Variants in CAPS2 observed in about 807,000 individuals in gnomAD.
CAPS2 encodes calcyphosine 2, also known as calcyphosin-2.
A neutral mutation model predicts 86.5 loss-of-function variants in CAPS2; 98 were observed. That is an observed-to-expected ratio of 1.13 (90% CI 0.96 to 1.34). The LOEUF (loss-of-function observed/expected upper bound fraction) is 1.34, where lower values mean the gene tolerates loss of function less well. CAPS2 is among the 40% of genes most tolerant of loss of function. The pLI is 0.00. For synonymous variants in CAPS2, 210 were observed against 225.1 expected (o/e 0.93, Z 0.60); for missense variants, 729 against 686.8 (o/e 1.06, Z -0.69).
chr12:75,360,691 C>CT (rs2043519689), intron 1 of CAPS2: 1 of 152,228 alleles, frequency 6.6e-6, no homozygotes, highest in Non-Finnish European at 1.5e-5. Flanking sequence ...ATCTACCATT[C>CT]TGAGGTCTGG....
At chr12:75,349,088 G>T (rs2042640593) in intron 1 of CAPS2, among the ~76,000 whole-genome samples, 2 of 152,082 alleles carry the variant, frequency 1.3e-5, no homozygotes, top group Non-Finnish European at 2.9e-5. Context: ...GAGAACCCTA[G>T]AAATCTGCAA....
chr12:75,355,586 T>C (rs746913896), intron 1 of CAPS2, among the ~76,000 whole-genome samples: 2 of 152,176 alleles, frequency 1.3e-5, no homozygotes, highest in Admixed American at 6.5e-5. Flanking sequence ...CTCAAAGATC[T>C]AGAACCAGAA....
intron 8 of CAPS2, among the ~76,000 whole-genome samples, chr12:75,302,085 C>T (rs1047364042): frequency 6.6e-6 from 1 of 152,156 alleles, no homozygotes; most frequent in Non-Finnish European, 1.5e-5. Context: ...GCTGCTGCCT[C>T]CCAAACAAAG....
intron 1 of CAPS2, among the ~76,000 whole-genome samples, chr12:75,353,289 C>T (rs2042933495): frequency 6.6e-6 from 1 of 151,964 alleles, no homozygotes; most frequent in South Asian, 2.1e-4. Flanking sequence ...ATCAAATAGA[C>T]ACAATAAAAA....
At chr12:75,288,904 T>C (rs1278046192) in intron 14 of CAPS2, among the ~76,000 whole-genome samples, 1 of 151,820 alleles carries the variant, frequency 6.6e-6, no homozygotes, top group Non-Finnish European at 1.5e-5. Context: ...AAATGAGAAA[T>C]TGGTATAGAA....
chr12:75,285,628 C>T (rs979223290), intron 14 of CAPS2, among the ~76,000 whole-genome samples: 1 of 151,860 alleles, frequency 6.6e-6, no homozygotes, highest in Non-Finnish European at 1.5e-5. Context: ...TCTCCCCATG[C>T]TCTGGTAACA....
At chr12:75,301,394 T>C (rs1297583876) in intron 8 of CAPS2, among the ~76,000 whole-genome samples, 2 of 152,192 alleles carry the variant, frequency 1.3e-5, no homozygotes, top group Admixed American at 6.5e-5. Flanking sequence ...AGTGTAACCA[T>C]CTCAATTCAG....
intron 7 of CAPS2, among the ~76,000 whole-genome samples, chr12:75,307,732 A>G (rs1320907631): frequency 1.3e-5 from 2 of 152,330 alleles, no homozygotes; most frequent in East Asian, 1.9e-4. Context: ...AAATAGACAA[A>G]GTAGAAAGAA....
intron 1 of CAPS2, among the ~76,000 whole-genome samples, chr12:75,386,363 T>C (rs2045291911): frequency 6.6e-6 from 1 of 152,200 alleles, no homozygotes; most frequent in Non-Finnish European, 1.5e-5. Flanking sequence ...TTCTGGAGGC[T>C]AGAAAGTCCA....
chr12:75,334,519 T>C (rs1193481962), upstream of CAPS2: 5 of 1,373,744 alleles, frequency 3.6e-6, no homozygotes, highest in South Asian at 3.7e-5. Context: ...AGCTTTCCCC[T>C]GTAGCTCAGA....
chr12:75,335,888 T>C (rs2041701518), intron 1 of CAPS2, among the ~76,000 whole-genome samples: 1 of 152,026 alleles, frequency 6.6e-6, no homozygotes, highest in South Asian at 2.1e-4. Flanking sequence ...AGTATTAATA[T>C]GGTTGATGCC....
At chr12:75,377,453 C>G (rs1263144438) in intron 1 of CAPS2, among the ~76,000 whole-genome samples, 3 of 152,118 alleles carry the variant, frequency 2.0e-5, no homozygotes, top group Non-Finnish European at 2.9e-5. Flanking sequence ...GTCCCAAAAC[C>G]CCAAAAGTCA....
upstream of CAPS2, among the ~76,000 whole-genome samples, chr12:75,329,161 T>C (rs1219184091): frequency 6.6e-6 from 1 of 152,186 alleles, no homozygotes; most frequent in African/African-American, 2.4e-5. Flanking sequence ...GTAAAGGTAA[T>C]AGAAGAATTC....
chr12:75,278,567 T>C (rs192327127), exon 17 of CAPS2: 1 of 1,013,780 alleles, frequency 9.9e-7, no homozygotes, highest in Admixed American at 5.8e-5. Flanking sequence ...AGATGTAACT[T>C]TCCTACTGAA....
At chr12:75,343,862 C>G (rs180934864) in intron 1 of CAPS2, 1 of 1,611,538 alleles carries the variant, frequency 6.2e-7, no homozygotes, top group Admixed American at 1.7e-5. Context: ...CATGCCATTA[C>G]GGCTTGGTAT....
At chr12:75,368,571 G>T (rs1356360246) in intron 1 of CAPS2, among the ~76,000 whole-genome samples, 1 of 151,170 alleles carries the variant, frequency 6.6e-6, no homozygotes, top group East Asian at 1.9e-4. Flanking sequence ...GTTTCCTTAA[G>T]AGATGGCTAG....
exon 17 of CAPS2, chr12:75,277,337 A>G: frequency 2.1e-6 from 2 of 966,424 alleles, no homozygotes; most frequent in Non-Finnish European, 2.5e-6. Flanking sequence ...GAAAAACACT[A>G]TATGCATATT....
intron 1 of CAPS2, among the ~76,000 whole-genome samples, chr12:75,383,712 G>A (rs1195605929): frequency 6.6e-6 from 1 of 152,040 alleles, no homozygotes; most frequent in Admixed American, 6.5e-5. Context: ...TACATTATTC[G>A]ACAATAGCAG....
intron 8 of CAPS2, among the ~76,000 whole-genome samples, chr12:75,301,982 C>T (rs1056343493): frequency 1.3e-5 from 2 of 152,114 alleles, no homozygotes; most frequent in Non-Finnish European, 2.9e-5. Flanking sequence ...ATGCAGCAAC[C>T]ACAAGCTACT....
Sources: allele counts gnomAD v4.1 joint callset (sites outside exome capture counted in the v4.1 genomes callset), GRCh38; gene constraint gnomAD v4.1.1; transcripts MANE v1.5; gene names NCBI Gene and HGNC (gene_info 2026-07-23, HGNC 2026-07-21).